The following PLD2 variants were observed in gnomAD, a reference collection of about 807,000 sequenced individuals.
PLD2 encodes the protein choline phosphatase 2.
In PLD2, 101 loss-of-function variants were observed where a neutral mutation model predicts 119.8. The observed-to-expected ratio is 0.84, with a 90% CI of 0.72 to 0.99. PLD2 has a LOEUF of 0.99. PLD2 is among the 50% of genes least tolerant of loss of function. The probability of loss-of-function intolerance (pLI) is 0.00; values close to 1 mark genes in which losing one functional copy is unlikely to be tolerated. For missense variants in PLD2, 1,164 were observed against 1,226.8 expected (o/e 0.95, Z 0.76); for synonymous variants, 494 against 482.8 (o/e 1.02, Z -0.30).
Position 4,808,046 on chromosome 17 carries a change from G to A in PLD2, c.172G>A (p.Val58Met). Residue 58 changes from valine (V) to methionine (M), a missense_variant, in exon 3 of 25, where the codon GTG becomes ATG. Physicochemically the swap from Val to Met is conservative, Grantham distance 21. Coordinates refer to ENST00000263088, the MANE Select transcript of PLD2 (RefSeq NM_002663.5). The surrounding 1 kb of genome is among the most constrained non-coding windows in gnomAD (Gnocchi z 4.1). The stretch of plus-strand genomic sequence containing the variant: ...TCAGTCTCTGAAAGTGCACCCCTTG[G>A]TGTTCGCACCTGGGGTCCCTGTCAC... ...ELQSLKVHPL[V>M]FAPGVPVTAQ... is the part of the protein sequence containing the mutation. The A allele has an allele frequency of 1.9e-6, 3 of 1,612,792 alleles. No individual in the cohort carries two copies. The highest frequency in any genetic ancestry group is 2.5e-6 in the Non-Finnish European group (3 of 1,178,916).
chr17:4,818,330 A>G lies in PLD2; in HGVS notation c.1954A>G (p.Thr652Ala). The change falls in exon 19 of 25, where the codon ACG (threonine) becomes GCG (alanine). Residue 652 changes from threonine to alanine, a missense_variant. By Grantham distance (58) the Thr-to-Ala change is moderately conservative. Coordinates refer to ENST00000263088, the MANE Select transcript of PLD2 (RefSeq NM_002663.5). ...CTTCATTAGCTGCTCAGATGGGCGG[A>G]CGGTTCTGAACAAGGTGGGCGATGA... Reference protein sequence around the residue: ...QFFISCSDGRTVLNKVGDEIV... With the variant: ...QFFISCSDGRAVLNKVGDEIV... 6.2e-7 allele frequency: 1 copy of G among 1,614,108 alleles called. No homozygotes were observed. The highest frequency in any genetic ancestry group is 1.1e-5 in the South Asian group (1 of 91,084).
In PLD2 at chr17:4,807,765, T is replaced by C; in HGVS notation, c.-1-7T>C. The C allele has an allele frequency of 6.4e-7, 1 of 1,553,394 alleles. No homozygotes were observed. The highest frequency in any genetic ancestry group is 8.8e-7 in the Non-Finnish European group (1 of 1,133,248). On this transcript the variant is annotated splice_region_variant and splice_polypyrimidine_tract_variant and intron_variant, in intron 1 of 24. Transcript: ENST00000263088. This position sits in a 1 kb window ranked among gnomAD's most constrained non-coding sequence, Gnocchi z 5.4. Reference sequence around the variant, plus strand: ...CTCGCCTCCCTGAGGCTTCCCAATGTTCCTAGGATGACGGCGACCCCTGAG... The same window carrying C: ...CTCGCCTCCCTGAGGCTTCCCAATGCTCCTAGGATGACGGCGACCCCTGAG...
At chr17:4,814,375 G>A in intron 10 of PLD2, 43 bp from the exon 11 acceptor site, 1 of 1,576,524 alleles carries the variant, frequency 6.3e-7, no homozygotes, top group Non-Finnish European at 8.6e-7. Flanking sequence ...AGAGCTTTCT[G>A]GCTTCTGACT....
intron 11 of PLD2, 35 bp from the exon 12 acceptor site, chr17:4,814,598 T>A: frequency 6.2e-7 from 1 of 1,613,024 alleles, no homozygotes; most frequent in Non-Finnish European, 8.5e-7. Flanking sequence ...GGTCTGGGGC[T>A]TCGTTTGCCC....
rs964166656 is a variant in PLD2, at chr17:4,808,782, T to C, written c.384-318T>C. ...AGTGCAGTGGTATGATCTTGGCTCA[T>C]GGCAACCTCCTGGGCTCAAGCAGTC... On this transcript the variant is annotated intron_variant, in intron 4 of 24. Transcript: ENST00000263088. This position sits in a 1 kb window ranked among gnomAD's most constrained non-coding sequence, Gnocchi z 4.1. 3.3e-5 allele frequency among the ~76,000 whole-genome samples: 5 copies of C among 152,148 alleles called. No individual in the cohort carries two copies. Among genetic ancestry groups the C allele is most frequent in the Admixed American group, 6.5e-5 (1 of 15,274 alleles).
Position 4,817,244 on chromosome 17 carries a change from G to A in PLD2, c.1800G>A (p.Gln600=), listed in dbSNP as rs912532579. 1 of 1,610,976 alleles carries A rather than the reference G, an allele frequency of 6.2e-7. No homozygotes were observed. Among genetic ancestry groups the A allele is most frequent in the Non-Finnish European group, 8.5e-7 (1 of 1,177,138 alleles). The part of the protein sequence containing the change: ...NQLPFTLPGG[Q]CTTVQVLRSV... The stretch of plus-strand genomic sequence containing the variant: ...TCCCCTTCACACTTCCAGGAGGGCA[G>A]TGCACCACCGTACAGGTGAGGCCCC... The change falls in exon 17 of 25, where the codon CAG becomes CAA. Residue 600 remains glutamine (Q), a synonymous_variant. Transcript: ENST00000263088.
At position 4,818,615 on chromosome 17, in the gene PLD2, C is replaced by T. The variant is rs768578269; in HGVS notation, c.2123+8C>T. ...TCTGCACTTTACTTACAGGTGACCC[C>T]CCAGGCGGACTCCAGCTCTCAGTGG... On this transcript the variant is annotated splice_region_variant and intron_variant, in intron 20 of 24. Transcript: ENST00000263088. The T allele has an allele frequency of 6.3e-7, 1 of 1,598,738 alleles. No homozygotes were observed. Among genetic ancestry groups the T allele is most frequent in the Non-Finnish European group, 8.6e-7 (1 of 1,166,084 alleles).
At chr17:4,811,580 A>T (rs898967822) in intron 10 of PLD2, among the ~76,000 whole-genome samples, 1 of 152,024 alleles carries the variant, frequency 6.6e-6, no homozygotes. Context: ...GCCCAGCCTT[A>T]ATAAACATTT....
At chr17:4,811,362 C>T (rs898326116) in intron 10 of PLD2, among the ~76,000 whole-genome samples, 39 of 144,638 alleles carry the variant, frequency 2.7e-4, no homozygotes, top group Admixed American at 1.9e-3. Flanking sequence ...CTGCAACCTC[C>T]GCCTCCCAGG....
chr17:4,817,248 A>G lies in PLD2; in HGVS notation c.1804A>G (p.Thr602Ala). 1 of 1,607,978 alleles carries G rather than the reference A, an allele frequency of 6.2e-7. No individual in the cohort carries two copies. Among genetic ancestry groups the G allele is most frequent in the Non-Finnish European group, 8.5e-7 (1 of 1,174,460 alleles). Residue 602 changes from threonine (T) to alanine (A), a missense_variant, in exon 17 of 25, where the codon ACC (threonine) becomes GCC (alanine). Coordinates refer to ENST00000263088, the MANE Select transcript of PLD2 (RefSeq NM_002663.5). ...CTTCACACTTCCAGGAGGGCAGTGCACCACCGTACAGGTGAGGCCCCCCAC... is the reference window on the plus strand; with the variant it reads ...CTTCACACTTCCAGGAGGGCAGTGCGCCACCGTACAGGTGAGGCCCCCCAC... ...LPFTLPGGQCTTVQVLRSVDR... is the reference protein window; with the variant it reads ...LPFTLPGGQCATVQVLRSVDR...
In PLD2 at chr17:4,808,140, G is replaced by C; in HGVS notation, c.240+26G>C. 1 of 1,599,238 alleles carries C rather than the reference G, an allele frequency of 6.3e-7. No homozygotes were observed. The highest frequency in any genetic ancestry group is 2.2e-5 in the East Asian group (1 of 44,474). On this transcript the variant is annotated intron_variant, in intron 3 of 24. Transcript: ENST00000263088. This position sits in a 1 kb window ranked among gnomAD's most constrained non-coding sequence, Gnocchi z 4.1. ...GTGGCCAGACTGGCCCCAGGGAGGGGGAAAGGGAGGGCGGCCCGGAATGGA... is the reference window on the plus strand; with the variant it reads ...GTGGCCAGACTGGCCCCAGGGAGGGCGAAAGGGAGGGCGGCCCGGAATGGA...
chr17:4,815,277 A>T (rs953136163), intron 12 of PLD2, among the ~76,000 whole-genome samples, 199 bp from the exon 13 acceptor site: 28 of 151,892 alleles, frequency 1.8e-4, no homozygotes, highest in African/African-American at 6.8e-4. Context: ...GGGTGGATAG[A>T]TGTGTGGATG....
rs772008816 is a variant in PLD2, at chr17:4,821,760, A to G, written c.2463-33A>G. ...GTACTCAGGTTCTCTAAGGATCTTAATCTGGCCCTGCTGGGACCCCTTTCT... is the reference window on the plus strand; with the variant it reads ...GTACTCAGGTTCTCTAAGGATCTTAGTCTGGCCCTGCTGGGACCCCTTTCT... On this transcript the variant is annotated intron_variant, in intron 23 of 24. Coordinates refer to ENST00000263088, the MANE Select transcript of PLD2 (RefSeq NM_002663.5). 1.5e-5 allele frequency: 22 copies of G among 1,463,412 alleles called. 1 individual carries two copies. The South Asian group carries it at 2.2e-4, about 14-fold the overall frequency. The allele number at this position is 1,463,412 out of a possible 1,614,324, so 90.7% of individuals were successfully genotyped here.
chr17:4,818,150 C>T (rs774802372), intron 18 of PLD2, 44 bp downstream of exon 18: 4 of 1,489,362 alleles, frequency 2.7e-6, no homozygotes, highest in South Asian at 2.3e-5. Context: ...AGGGGTGTCC[C>T]AGGAGAGAGA....
Position 4,822,680 on chromosome 17 carries a change from G to A in PLD2, c.2618G>A (p.Arg873Gln), listed in dbSNP as rs547370593. The part of the protein sequence containing the change: ...CLPSNATRSL[R>Q]TLREYVAVEP... ...CCATCCAATGCCACGCGTTCCCTGC[G>A]GACTCTCCGGGAGTACGTGGCCGTG... Residue 873 changes from arginine (R) to glutamine (Q), a missense_variant, in exon 25 of 25, where the codon CGG becomes CAG. By Grantham distance (43) the Arg-to-Gln change is conservative. Coordinates refer to ENST00000263088, the MANE Select transcript of PLD2 (RefSeq NM_002663.5). 219 of 1,613,854 alleles carry A rather than the reference G, an allele frequency of 1.4e-4. No individual in the cohort carries two copies. The highest frequency in any genetic ancestry group is 4.7e-4 in the Admixed American group (28 of 60,012).
intron 24 of PLD2, 148 bp from the exon 25 acceptor site, chr17:4,822,492 C>CA (rs112032023): frequency 0.3 from 140,142 of 463,478 alleles, 8,058 homozygotes; most frequent in African/African-American, 0.48. Flanking sequence ...AACTCCGTCT[C>CA]AAAAAAAAAA....
chr17:4,818,705 G>A, intron 20 of PLD2, 69 bp from the exon 21 acceptor site: 11 of 1,588,774 alleles, frequency 6.9e-6, no homozygotes, highest in Non-Finnish European at 9.5e-6. Context: ...CCTTAAAGAA[G>A]GGCCACCTCT....
intron 17 of PLD2, 73 bp downstream of exon 17, chr17:4,817,332 T>A: frequency 1.0e-6 from 1 of 957,756 alleles, no homozygotes; most frequent in Non-Finnish European, 1.7e-6. Flanking sequence ...CTCTCCCTGG[T>A]GTGAGAGCTG....
chr17:4,812,713 C>T (rs146282050), intron 10 of PLD2, among the ~76,000 whole-genome samples: 34 of 152,166 alleles, frequency 2.2e-4, no homozygotes, highest in South Asian at 4.1e-4. Flanking sequence ...CATTCCAGGA[C>T]GATAAAAATG....
Sources: gnomAD v4.1 joint callset for allele counts (sites outside exome capture counted in the v4.1 genomes callset) on GRCh38, gnomAD v4.1.1 for gene constraint, Gnocchi (gnomAD v3.1) non-coding constraint, MANE v1.5 for transcripts, NCBI Gene and HGNC (gene_info 2026-07-23, HGNC 2026-07-21) for gene names.